SOX6: variants seen among roughly 807,000 people sequenced by gnomAD.
SOX6 encodes the protein transcription factor SOX-6.
Under a neutral mutation model 97.8 loss-of-function variants are expected in SOX6, and 11 were observed. That is an observed-to-expected ratio of 0.11 (90% CI 0.07 to 0.19). SOX6 has a LOEUF of 0.19. SOX6 is among the 10% of genes least tolerant of loss of function. SOX6 has a pLI of 1.00. For synonymous variants in SOX6, 360 were observed against 371.4 expected (o/e 0.97, Z 0.35); for missense variants, 810 against 1,039.5 (o/e 0.78, Z 3.04).
intron 6 of SOX6, among the ~76,000 whole-genome samples, chr11:16,131,856 G>A (rs994205628): frequency 1.3e-4 from 20 of 151,992 alleles, no homozygotes; most frequent in South Asian, 2.1e-4. Context: ...TTTATATGAA[G>A]TCTTAGAAAA....
intron 4 of SOX6, among the ~76,000 whole-genome samples, chr11:16,543,993 G>A (rs1706334441): frequency 1.3e-5 from 2 of 152,128 alleles, no homozygotes; most frequent in Admixed American, 6.6e-5. Flanking sequence ...CAGGTGAATA[G>A]ATAAGCAAAT....
At chr11:16,565,094 T>C (rs937337491) in intron 4 of SOX6, among the ~76,000 whole-genome samples, 2 of 151,950 alleles carry the variant, frequency 1.3e-5, no homozygotes, top group Non-Finnish European at 2.9e-5. Context: ...AAACACAAAT[T>C]ACCAATATTA....
At chr11:16,498,873 C>A (rs1028103248) in intron 4 of SOX6, among the ~76,000 whole-genome samples, 3 of 152,128 alleles carry the variant, frequency 2.0e-5, no homozygotes, top group African/African-American at 7.2e-5. Flanking sequence ...GATTTTAACA[C>A]CCCACTGTCA....
intron 4 of SOX6, among the ~76,000 whole-genome samples, chr11:16,541,614 T>A (rs143116641): frequency 0.039 from 5,907 of 151,778 alleles, 158 homozygotes; most frequent in Non-Finnish European, 0.057. Context: ...TTAAACAAAT[T>A]TACAAGAAAA....
chr11:16,173,678 A>G (rs1245750631), intron 6 of SOX6, among the ~76,000 whole-genome samples: 1 of 151,050 alleles, frequency 6.6e-6, no homozygotes, highest in African/African-American at 2.4e-5. Flanking sequence ...AAACCACTGG[A>G]AAAGAAAAAT....
chr11:16,027,378 T>C (rs1031318507), intron 12 of SOX6, among the ~76,000 whole-genome samples: 7 of 152,154 alleles, frequency 4.6e-5, no homozygotes, highest in Non-Finnish European at 7.4e-5. Flanking sequence ...AAAATGAAAT[T>C]TCCTACACAT....
At chr11:16,349,503 C>T (rs1856855260) in intron 1 of SOX6, among the ~76,000 whole-genome samples, 1 of 151,946 alleles carries the variant, frequency 6.6e-6, no homozygotes, top group Non-Finnish European at 1.5e-5. Flanking sequence ...GTAATCCCAG[C>T]TCTGCAGGAA....
chr11:16,447,238 A>C (rs992222009), intron 1 of SOX6, among the ~76,000 whole-genome samples: 3 of 152,250 alleles, frequency 2.0e-5, no homozygotes, highest in African/African-American at 7.2e-5. Flanking sequence ...AAAATTAGGA[A>C]GTTATTAGGA....
At chr11:16,659,634 G>A (rs1847750667) in intron 3 of SOX6, among the ~76,000 whole-genome samples, 1 of 152,206 alleles carries the variant, frequency 6.6e-6, no homozygotes, top group Admixed American at 6.5e-5. Flanking sequence ...ACATCTTAGT[G>A]CTGGCCACAT....
intron 4 of SOX6, among the ~76,000 whole-genome samples, chr11:16,211,488 G>A (rs987868573): frequency 1.3e-5 from 2 of 151,956 alleles, no homozygotes; most frequent in African/African-American, 4.8e-5. Context: ...CAAAAATATG[G>A]GGCAAGGTTT....
chr11:16,291,300 A>C (rs887119535), intron 3 of SOX6, among the ~76,000 whole-genome samples: 1 of 143,404 alleles, frequency 7.0e-6, no homozygotes, highest in African/African-American at 2.6e-5. Flanking sequence ...CTGTCTGGTA[A>C]ACACAAGATG....
chr11:16,366,761 C>T (rs1857369448), intron 1 of SOX6, among the ~76,000 whole-genome samples: 1 of 140,650 alleles, frequency 7.1e-6, no homozygotes, highest in African/African-American at 2.5e-5. Flanking sequence ...TGCAAATTTT[C>T]TATCTGGTCC....
intron 3 of SOX6, among the ~76,000 whole-genome samples, chr11:16,280,472 A>G (rs531861826): frequency 2.0e-5 from 3 of 151,956 alleles, no homozygotes; most frequent in Admixed American, 1.3e-4. Flanking sequence ...TCATAATATA[A>G]TTGCAAGTTG....
intron 6 of SOX6, among the ~76,000 whole-genome samples, chr11:16,170,221 CT>C: frequency 6.6e-6 from 1 of 152,054 alleles, no homozygotes; most frequent in East Asian, 1.9e-4. Flanking sequence ...GCTACTCATT[CT>C]GTTAGCAATG....
intron 5 of SOX6, among the ~76,000 whole-genome samples, chr11:16,185,109 C>T (rs566930843): frequency 1.3e-5 from 2 of 152,140 alleles, no homozygotes; most frequent in Non-Finnish European, 2.9e-5. Flanking sequence ...CACAAGATGA[C>T]AAAATAGCAG....
intron 2 of SOX6, among the ~76,000 whole-genome samples, chr11:16,728,015 C>G: frequency 6.6e-6 from 1 of 152,138 alleles, no homozygotes; most frequent in East Asian, 1.9e-4. Flanking sequence ...CGCAAAGCCA[C>G]TGTAGCCAGA....
chr11:16,360,911 G>A (rs1397767658), upstream of SOX6, among the ~76,000 whole-genome samples: 3 of 151,762 alleles, frequency 2.0e-5, no homozygotes, highest in Non-Finnish European at 2.9e-5. Flanking sequence ...GCTGAGGCAG[G>A]AGAATGGCGT....
intron 1 of SOX6, among the ~76,000 whole-genome samples, chr11:16,435,179 G>A (rs1023910831): frequency 3.2e-4 from 49 of 151,964 alleles, no homozygotes; most frequent in Non-Finnish European, 1.2e-4. Context: ...ATTTTTCAGG[G>A]TACAAAAATT....
At chr11:16,426,348 G>A (rs1405248964) in intron 1 of SOX6, among the ~76,000 whole-genome samples, 1 of 126,804 alleles carries the variant, frequency 7.9e-6, no homozygotes, top group Non-Finnish European at 1.7e-5. Flanking sequence ...TGAATAGCCA[G>A]AGCAATCCTA....
Sources: gnomAD v4.1 joint callset for allele counts (sites outside exome capture counted in the v4.1 genomes callset) on GRCh38, gnomAD v4.1.1 for gene constraint, MANE v1.5 for transcripts, NCBI Gene and HGNC (gene_info 2026-07-23, HGNC 2026-07-21) for gene names.